The following CAST variants were observed in gnomAD, a reference collection of about 807,000 sequenced individuals.
The protein encoded by CAST is calpastatin.
Under a neutral mutation model 119.6 loss-of-function variants are expected in CAST, and 76 were observed. The ratio of observed to expected loss-of-function variants is 0.64; its 90% CI spans 0.53 to 0.77. The LOEUF is 0.77. Ranked by LOEUF, CAST falls within the 30% of genes least tolerant of loss-of-function variation. The pLI is 0.00. For synonymous variants in CAST, 319 were observed against 331.6 expected (o/e 0.96, Z 0.41); for missense variants, 953 against 946.5 (o/e 1.01, Z -0.09).
At chr5:96,420,992 C>G in the CAST span, among the ~76,000 whole-genome samples, 1 of 152,216 alleles carries the variant, frequency 6.6e-6, no homozygotes, top group Non-Finnish European at 1.5e-5. Context: ...TGGTGCAAGT[C>G]TCTTCTGTGT....
intron 1 of CAST, among the ~76,000 whole-genome samples, chr5:96,642,041 A>C (rs1346113769): frequency 6.6e-6 from 1 of 152,174 alleles, no homozygotes; most frequent in African/African-American, 2.4e-5. Flanking sequence ...TCTCAGCAAA[A>C]CATCTCAGAA....
the CAST span, among the ~76,000 whole-genome samples, chr5:96,338,654 GTATAT>G: frequency 2.0e-5 from 3 of 152,176 alleles, no homozygotes; most frequent in Admixed American, 6.5e-5. Context: ...TCATTCCAAA[GTATAT>G]TATATTTCTC....
At chr5:96,759,126 A>ATTTTACTCTT (rs1767075735) in intron 24 of CAST, among the ~76,000 whole-genome samples, 1 of 152,230 alleles carries the variant, frequency 6.6e-6, no homozygotes, top group Admixed American at 6.5e-5. Flanking sequence ...AAATTAGCAA[A>ATTTTACTCTT]GGAAACATTA....
the CAST span, among the ~76,000 whole-genome samples, chr5:96,481,366 T>C: frequency 1.3e-5 from 2 of 152,200 alleles, no homozygotes; most frequent in African/African-American, 4.8e-5. Flanking sequence ...TCTAGCATTT[T>C]AAATAAATAT....
At chr5:96,518,583 A>G in the CAST span, among the ~76,000 whole-genome samples, 1 of 152,204 alleles carries the variant, frequency 6.6e-6, no homozygotes, top group Admixed American at 6.5e-5. Context: ...ACAGCATCCC[A>G]TGGCCAAGCA....
the CAST span, among the ~76,000 whole-genome samples, chr5:96,067,946 GC>G: frequency 6.6e-6 from 1 of 152,132 alleles, no homozygotes; most frequent in South Asian, 2.1e-4. Flanking sequence ...TTTAAATGCA[GC>G]CCTGGCTGGG....
intron 1 of CAST, among the ~76,000 whole-genome samples, chr5:96,648,717 C>CGTGTGTGTGTCTGTGTGTGT (rs138871439): frequency 3.2e-4 from 47 of 148,810 alleles, no homozygotes; most frequent in Admixed American, 6.7e-4. Context: ...TATATATATG[C>CGTGTGTGTGTCTGTGTGTGT]GTGTGTGTGT....
chr5:96,105,818 T>A, the CAST span, among the ~76,000 whole-genome samples: 1 of 152,210 alleles, frequency 6.6e-6, no homozygotes, highest in Non-Finnish European at 1.5e-5. Context: ...TGGTACCAGT[T>A]CCTCCTTGTA....
At chr5:96,140,093 C>A in the CAST span, among the ~76,000 whole-genome samples, 1 of 152,148 alleles carries the variant, frequency 6.6e-6, no homozygotes, top group Non-Finnish European at 1.5e-5. Flanking sequence ...TTCTTTGTCA[C>A]AGTAGTCATT....
the CAST span, among the ~76,000 whole-genome samples, chr5:96,322,492 C>T: frequency 6.6e-6 from 1 of 152,086 alleles, no homozygotes; most frequent in Non-Finnish European, 1.5e-5. Context: ...TCTTGTTTTC[C>T]CCTTTGAAAA....
At chr5:96,481,987 C>T in the CAST span, among the ~76,000 whole-genome samples, 1 of 152,102 alleles carries the variant, frequency 6.6e-6, no homozygotes, top group East Asian at 1.9e-4. Flanking sequence ...TAAAACCTGG[C>T]CTTGGTGCCC....
the CAST span, among the ~76,000 whole-genome samples, chr5:96,175,746 A>G: frequency 6.6e-6 from 1 of 152,374 alleles, no homozygotes; most frequent in East Asian, 1.9e-4. Context: ...TGGTTAGACT[A>G]GAGTGATGCT....
At chr5:96,583,797 T>C (rs181937161) in intron 1 of CAST, among the ~76,000 whole-genome samples, 1 of 152,322 alleles carries the variant, frequency 6.6e-6, no homozygotes, top group Admixed American at 6.5e-5. Context: ...GACATTTGTA[T>C]TGTTACTTGA....
chr5:96,220,314 C>T, the CAST span, among the ~76,000 whole-genome samples: 2 of 152,190 alleles, frequency 1.3e-5, no homozygotes, highest in African/African-American at 4.8e-5. Flanking sequence ...GCCCCCTCTT[C>T]ATGCATTTTA....
chr5:96,730,995 G>T (rs1760361580), intron 9 of CAST, 135 bp downstream of exon 9: 1 of 662,930 alleles, frequency 1.5e-6, no homozygotes, highest in Non-Finnish European at 2.7e-6. Context: ...TGAAGAGCAT[G>T]CATTTAAGGG....
chr5:96,042,655 A>C, the CAST span, among the ~76,000 whole-genome samples: 3 of 152,142 alleles, frequency 2.0e-5, no homozygotes, highest in Admixed American at 2.0e-4. Flanking sequence ...TCATAGTAAA[A>C]AGTTGGAGTA....
the CAST span, among the ~76,000 whole-genome samples, chr5:96,354,129 C>T: frequency 2.0e-5 from 3 of 152,118 alleles, no homozygotes; most frequent in Non-Finnish European, 4.4e-5. Flanking sequence ...GACCAATTAC[C>T]ACCACCTCCA....
chr5:96,180,480 G>C, the CAST span, among the ~76,000 whole-genome samples: 2 of 152,178 alleles, frequency 1.3e-5, no homozygotes, highest in Non-Finnish European at 2.9e-5. Context: ...AACATCAGCT[G>C]AGAACCAAAT....
rs1764814277 is a variant in CAST, at chr5:96,750,627, T to G, written c.1469T>G (p.Val490Gly). ...AAAPAPVSEA[V>G]CRTSMCSIQS... ...GCTCCAGCTCCTGTGTCGGAGGCTGTGTGTCGGACCTCCATGTGTAGTATA... is the reference window on the plus strand; with the variant it reads ...GCTCCAGCTCCTGTGTCGGAGGCTGGGTGTCGGACCTCCATGTGTAGTATA... The change falls in exon 20 of 32, where the codon GTG becomes GGG. Residue 490 changes from valine to glycine, a missense_variant. Physicochemically the swap from Val to Gly is moderately radical, Grantham distance 109 (BLOSUM62 -3). Transcript: ENST00000675179. 2 of 1,613,426 alleles carry G rather than the reference T, an allele frequency of 1.2e-6. No individual in the cohort carries two copies. The highest frequency in any genetic ancestry group is 1.3e-5 in the African/African-American group (1 of 74,860).
Sources: allele counts gnomAD v4.1 joint callset (sites outside exome capture counted in the v4.1 genomes callset), GRCh38; gene constraint gnomAD v4.1.1; transcripts MANE v1.5; gene names NCBI Gene and HGNC (gene_info 2026-07-23, HGNC 2026-07-21).